ZBTB7C: variants seen among roughly 807,000 people sequenced by gnomAD.
The protein encoded by ZBTB7C is zinc finger and BTB domain containing 7C.
ZBTB7C carries 8 observed loss-of-function variants against 25.7 expected under a neutral mutation model. That is an observed-to-expected ratio of 0.31 (90% CI 0.18 to 0.56). The LOEUF (loss-of-function observed/expected upper bound fraction) is 0.56. ZBTB7C is among the 20% of genes least tolerant of loss of function. The pLI, the probability that ZBTB7C is intolerant of heterozygous loss-of-function variation, is 0.91. For synonymous variants in ZBTB7C, 394 were observed against 369.0 expected, an observed-to-expected ratio of 1.07 and a Z score of -0.78; for missense variants, 824 against 855.2, an observed-to-expected ratio of 0.96 and a Z score of 0.46.
At chr18:48,294,854 G>T (rs1215627519) in intron 2 of ZBTB7C, among the ~76,000 whole-genome samples, 1 of 152,136 alleles carries the variant, frequency 6.6e-6, no homozygotes, top group African/African-American at 2.4e-5. Context: ...TACCTTCCCT[G>T]AATCTGCTGC....
intron 2 of ZBTB7C, among the ~76,000 whole-genome samples, chr18:48,319,019 G>A (rs112526340): frequency 0.013 from 1,970 of 152,236 alleles, 54 homozygotes; most frequent in African/African-American, 0.046. Flanking sequence ...GGAGACAGAA[G>A]GATCTTAGCA....
intron 2 of ZBTB7C, among the ~76,000 whole-genome samples, chr18:48,195,683 C>T (rs1333315780): frequency 6.6e-6 from 1 of 152,066 alleles, no homozygotes; most frequent in Admixed American, 6.6e-5. Context: ...AAATTAAATA[C>T]ATTGGCAAAA....
chr18:48,098,994 C>T (rs2038738845), intron 3 of ZBTB7C, among the ~76,000 whole-genome samples: 1 of 152,206 alleles, frequency 6.6e-6, no homozygotes, highest in Non-Finnish European at 1.5e-5. Context: ...GCACCTGAGT[C>T]TGACCCTATC....
intron 3 of ZBTB7C, among the ~76,000 whole-genome samples, chr18:48,110,330 C>G (rs2039192607): frequency 1.3e-5 from 2 of 151,706 alleles, no homozygotes; most frequent in African/African-American, 2.4e-5. Context: ...GCCCTACCCC[C>G]CCACCTGGTT....
rs559434071 is a variant in ZBTB7C, at chr18:48,077,008, C to A, written c.-16-35885G>T. 12 of 980,904 alleles carry A rather than the reference C, an allele frequency of 1.2e-5. No individual in the cohort carries two copies. The African/African-American group carries it at 2.0e-4, about 16-fold the overall frequency. The allele number at this position is 980,904 out of a possible 1,614,324, so 60.8% of individuals were successfully genotyped here. A position where few individuals can be genotyped will look rare whatever the true frequency, so the allele number is the denominator to read the frequency against. On this transcript the variant is annotated intron_variant, in intron 3 of 4. Coordinates refer to ENST00000590800, the MANE Select transcript of ZBTB7C (RefSeq NM_001318841.2). The stretch of plus-strand genomic sequence containing the variant: ...CCAAGACAGCACCTAAGTTCCCTTC[C>A]AGCAAAGGTCACAGGAAGAGAATAG...
intron 2 of ZBTB7C, among the ~76,000 whole-genome samples, chr18:48,302,626 G>A (rs1023436631): frequency 6.6e-6 from 1 of 152,148 alleles, no homozygotes. Flanking sequence ...CGACGTCCAC[G>A]CTCTATGTGG....
At chr18:48,143,981 C>T (rs527480455) in intron 3 of ZBTB7C, among the ~76,000 whole-genome samples, 4 of 152,292 alleles carry the variant, frequency 2.6e-5, no homozygotes, top group East Asian at 3.9e-4. Flanking sequence ...TTGCAGTAGT[C>T]CTGAATAGTC....
chr18:48,111,928 T>A (rs1346079893), intron 3 of ZBTB7C, among the ~76,000 whole-genome samples: 1 of 152,220 alleles, frequency 6.6e-6, no homozygotes, highest in African/African-American at 2.4e-5. Context: ...TTTATCCTAA[T>A]AAATAGTTAA....
chr18:48,276,915 C>A (rs2044675771), intron 2 of ZBTB7C, among the ~76,000 whole-genome samples: 1 of 134,904 alleles, frequency 7.4e-6, no homozygotes, highest in South Asian at 2.7e-4. Flanking sequence ...ACAGTCCCAC[C>A]AACAGTGTAA....
At chr18:48,138,050 T>C (rs1162323079) in intron 3 of ZBTB7C, among the ~76,000 whole-genome samples, 3 of 152,226 alleles carry the variant, frequency 2.0e-5, no homozygotes, top group African/African-American at 7.2e-5. Context: ...TTCTCAGAAA[T>C]GGGGGAAGCG....
At chr18:48,380,645 C>T (rs1263759174) in intron 1 of ZBTB7C, among the ~76,000 whole-genome samples, 1 of 152,098 alleles carries the variant, frequency 6.6e-6, no homozygotes, top group Admixed American at 6.6e-5. Flanking sequence ...TACAAACAGT[C>T]ACAGCCAAGA....
chr18:48,064,736 A>C (rs915230412), intron 3 of ZBTB7C, among the ~76,000 whole-genome samples: 1 of 152,048 alleles, frequency 6.6e-6, no homozygotes, highest in Non-Finnish European at 1.5e-5. Context: ...GAGTGAGACT[A>C]TCTCAAAAAA....
At chr18:48,172,722 G>A (rs149970657) in intron 3 of ZBTB7C, among the ~76,000 whole-genome samples, 38 of 152,366 alleles carry the variant, frequency 2.5e-4, no homozygotes, top group African/African-American at 7.9e-4. Flanking sequence ...GGCCCGGGGC[G>A]AAGAGGGCCT....
At chr18:48,103,480 A>C (rs757768536) in intron 3 of ZBTB7C, among the ~76,000 whole-genome samples, 4 of 152,132 alleles carry the variant, frequency 2.6e-5, no homozygotes, top group Non-Finnish European at 5.9e-5. Context: ...CAGCAACAAA[A>C]ATTTCTTTAC....
At chr18:48,215,730 G>A (rs1178864023) in intron 2 of ZBTB7C, among the ~76,000 whole-genome samples, 1 of 152,158 alleles carries the variant, frequency 6.6e-6, no homozygotes, top group African/African-American at 2.4e-5. Context: ...TGGTCTCTCA[G>A]CTACTCTCTT....
intron 2 of ZBTB7C, among the ~76,000 whole-genome samples, chr18:48,331,550 A>G (rs1054024871): frequency 2.0e-5 from 3 of 152,232 alleles, no homozygotes; most frequent in African/African-American, 7.2e-5. Context: ...TTTGGGGCAC[A>G]CTGCATTACG....
At chr18:48,092,449 T>A (rs891845176) in intron 3 of ZBTB7C, among the ~76,000 whole-genome samples, 1 of 152,170 alleles carries the variant, frequency 6.6e-6, no homozygotes, top group Non-Finnish European at 1.5e-5. Context: ...AGAAAGCAAG[T>A]TGAAGTTTTC....
At chr18:48,082,575 T>C (rs1003920457) in intron 3 of ZBTB7C, among the ~76,000 whole-genome samples, 1 of 152,138 alleles carries the variant, frequency 6.6e-6, no homozygotes, top group Non-Finnish European at 1.5e-5. Context: ...AGGCACAAGT[T>C]AGGGGAATTG....
intron 1 of ZBTB7C, among the ~76,000 whole-genome samples, chr18:48,396,321 T>C (rs1435011750): frequency 1.3e-5 from 2 of 152,232 alleles, no homozygotes; most frequent in Admixed American, 1.3e-4. Flanking sequence ...CAAGCACATG[T>C]AACATCAGAG....
Sources: gnomAD v4.1 joint callset for allele counts (sites outside exome capture counted in the v4.1 genomes callset) on GRCh38, gnomAD v4.1.1 for gene constraint, MANE v1.5 for transcripts, NCBI Gene and HGNC (gene_info 2026-07-23, HGNC 2026-07-21) for gene names.